HIKESHI: variants seen among roughly 807,000 people sequenced by gnomAD.
HIKESHI encodes protein Hikeshi.
A neutral mutation model predicts 25.7 loss-of-function variants in HIKESHI; 13 were observed. The observed-to-expected ratio is 0.51, with a 90% CI of 0.33 to 0.80. The LOEUF (loss-of-function observed/expected upper bound fraction) is 0.80. HIKESHI is among the 30% of genes least tolerant of loss of function. The pLI is 0.02. For synonymous variants in HIKESHI, 76 were observed against 78.7 expected (o/e 0.97, Z 0.18); for missense variants, 174 against 229.5 (o/e 0.76, Z 1.56).
intron 2 of HIKESHI, among the ~76,000 whole-genome samples, chr11:86,329,572 TTC>T (rs1947368173): frequency 1.4e-5 from 1 of 72,980 alleles, no homozygotes; most frequent in Non-Finnish European, 2.5e-5. Context: ...TGCCTGTGAT[TTC>T]TTTTTTTTTT....
At position 86,340,359 on chromosome 11, in the gene HIKESHI, C is replaced by T. The variant is rs185869665; in HGVS notation, c.420+2829C>T. Among the ~76,000 whole-genome samples the T allele has an allele frequency of 2.3e-3, 343 of 152,310 alleles. 2 individuals are homozygous for T. The highest frequency in any genetic ancestry group is 4.2e-3 in the Non-Finnish European group (285 of 68,028). On this transcript the variant is annotated intron_variant, in intron 3 of 4. Coordinates refer to ENST00000278483, the MANE Select transcript of HIKESHI (RefSeq NM_016401.4). ...TCCACAATGGTTGAACTAGTTTATA[C>T]GCCAACCAACAGTGTAAAAGCGTTC...
chr11:86,337,336 C>T, intron 2 of HIKESHI, 43 bp from the exon 3 acceptor site: 1 of 1,568,148 alleles, frequency 6.4e-7, no homozygotes, highest in Non-Finnish European at 8.6e-7. Flanking sequence ...TGTGTGACTA[C>T]AAGTTTAATT....
At chr11:86,322,289 C>T (rs573464147) in intron 2 of HIKESHI, among the ~76,000 whole-genome samples, 5 of 152,038 alleles carry the variant, frequency 3.3e-5, no homozygotes, top group Admixed American at 6.6e-5. Context: ...GCCCGGCCTC[C>T]GAGCATTTTT....
In HIKESHI at chr11:86,345,664, T is replaced by C. The variant is rs745463188; in HGVS notation, c.*26T>C. Reference sequence around the variant, plus strand: ...TTTGAATAAAATAATTTTTAATGGATTCTGAAATTTGTCATGTTTTGAAGA... The same window carrying C: ...TTTGAATAAAATAATTTTTAATGGACTCTGAAATTTGTCATGTTTTGAAGA... On this transcript the variant is annotated 3_prime_UTR_variant, in exon 5 of 5. Coordinates refer to ENST00000278483, the MANE Select transcript of HIKESHI (RefSeq NM_016401.4). The C allele has an allele frequency of 1.7e-5, 24 of 1,393,126 alleles. No homozygotes were observed. The highest frequency in any genetic ancestry group is 2.3e-5 in the Non-Finnish European group (23 of 1,002,238). 86.3% of individuals were successfully genotyped at this position (1,393,126 alleles called of 1,614,324 possible).
At chr11:86,339,633 A>G (rs1185944014) in intron 3 of HIKESHI, among the ~76,000 whole-genome samples, 3 of 152,222 alleles carry the variant, frequency 2.0e-5, no homozygotes, top group Non-Finnish European at 4.4e-5. Context: ...ATTCCTGTGT[A>G]TCCACAAAAT....
rs1947600918 is a variant in HIKESHI at position 86,337,513 on chromosome 11, G to A, written c.403G>A (p.Val135Ile). Residue 135 changes from valine to isoleucine, a missense_variant, in exon 3 of 5, where the codon GTT (valine) becomes ATT (isoleucine). Coordinates refer to ENST00000278483, the MANE Select transcript of HIKESHI (RefSeq NM_016401.4). ...TGTAGGTAATGCTGCTGTATCCTCAGTTGACTCATTCACTCAGGTAATGCA... is the reference window on the plus strand; with the variant it reads ...TGTAGGTAATGCTGCTGTATCCTCAATTGACTCATTCACTCAGGTAATGCA... The part of the protein sequence containing the change: ...TPVGNAAVSS[V>I]DSFTQFTQKM... The A allele has an allele frequency of 6.2e-7, 1 of 1,611,910 alleles. No individual in the cohort carries two copies. Among genetic ancestry groups the A allele is most frequent in the Non-Finnish European group, 8.5e-7 (1 of 1,179,428 alleles).
At chr11:86,304,367 A>C (rs189639244) in intron 1 of HIKESHI, among the ~76,000 whole-genome samples, 41 of 152,302 alleles carry the variant, frequency 2.7e-4, no homozygotes, top group Middle Eastern at 3.4e-3. Context: ...GAACTTGGTC[A>C]TTTTAAACAG....
At chr11:86,334,372 TTG>T (rs937941111) in intron 2 of HIKESHI, among the ~76,000 whole-genome samples, 4 of 151,930 alleles carry the variant, frequency 2.6e-5, no homozygotes, top group Admixed American at 2.6e-4. Context: ...TTCCTCTGAG[TTG>T]TGTTTTGTGT....
At chr11:86,314,294 A>G (rs540732751) in intron 2 of HIKESHI, among the ~76,000 whole-genome samples, 3 of 152,108 alleles carry the variant, frequency 2.0e-5, no homozygotes, top group African/African-American at 7.2e-5. Flanking sequence ...GGTAGCTGTT[A>G]GTGTTTTATA....
intron 3 of HIKESHI, among the ~76,000 whole-genome samples, chr11:86,337,751 G>A (rs751374621): frequency 5.9e-5 from 9 of 152,128 alleles, no homozygotes; most frequent in Admixed American, 5.2e-4. Flanking sequence ...TCCGCCTCCC[G>A]GGTTCAAGCG....
At position 86,326,796 on chromosome 11, in the gene HIKESHI, G is replaced by A. The variant is rs1290288414; in HGVS notation, c.269-10583G>A. ...GACAGTGAGGAGGAGACTTTTAAGGGTGGCATGATAGGTTCCTGTTTGGGT... is the reference window on the plus strand; with the variant it reads ...GACAGTGAGGAGGAGACTTTTAAGGATGGCATGATAGGTTCCTGTTTGGGT... On this transcript the variant is annotated intron_variant, in intron 2 of 4. Transcript: ENST00000278483. 2.1e-5 allele frequency: 6 copies of A among 279,072 alleles called. 1 individual carries two copies. The highest frequency in any genetic ancestry group is 1.7e-4 in the South Asian group (5 of 29,562). 17.3% of individuals were successfully genotyped at this position (279,072 alleles called of 1,614,324 possible).
At chr11:86,307,792 A>G (rs865900539) in intron 2 of HIKESHI, among the ~76,000 whole-genome samples, 21 of 120,878 alleles carry the variant, frequency 1.7e-4, no homozygotes, top group African/African-American at 3.4e-4. Context: ...ATTATGTGTA[A>G]TATACATTAT....
At chr11:86,339,029 C>G (rs1402406831) in intron 3 of HIKESHI, among the ~76,000 whole-genome samples, 1 of 152,048 alleles carries the variant, frequency 6.6e-6, no homozygotes, top group African/African-American at 2.4e-5. Flanking sequence ...CTACTCTGTA[C>G]CAGGCATGTC....
chr11:86,313,535 A>T (rs767713613), intron 2 of HIKESHI, among the ~76,000 whole-genome samples: 11 of 152,178 alleles, frequency 7.2e-5, no homozygotes, highest in Non-Finnish European at 5.9e-5. Flanking sequence ...AAATAAAAAG[A>T]TATATTCTCC....
chr11:86,334,158 G>A (rs186855428), intron 2 of HIKESHI, among the ~76,000 whole-genome samples: 62 of 152,088 alleles, frequency 4.1e-4, no homozygotes, highest in African/African-American at 1.4e-3. Flanking sequence ...TGGATTTGCT[G>A]TACTTAAATA....
intron 3 of HIKESHI, chr11:86,344,209 G>C (rs536226016): frequency 5.2e-5 from 8 of 155,000 alleles, no homozygotes; most frequent in Non-Finnish European, 1.1e-4. Context: ...AGTGGATGCA[G>C]ACATGGAGAT....
intron 2 of HIKESHI, among the ~76,000 whole-genome samples, chr11:86,330,645 G>A (rs1245578357): frequency 6.6e-6 from 1 of 152,182 alleles, no homozygotes; most frequent in Non-Finnish European, 1.5e-5. Flanking sequence ...GACTACCTAA[G>A]TCTCCTCAGT....
chr11:86,331,199 C>T (rs1947414095), intron 2 of HIKESHI, among the ~76,000 whole-genome samples: 1 of 151,954 alleles, frequency 6.6e-6, no homozygotes, highest in African/African-American at 2.4e-5. Context: ...TTAGAAATTA[C>T]CCAGATAGGG....
chr11:86,319,242 A>ATATATATATATATATATATATTTT (rs1383589741), intron 2 of HIKESHI, among the ~76,000 whole-genome samples: 1 of 94,944 alleles, frequency 1.1e-5, no homozygotes, highest in African/African-American at 4.6e-5. Flanking sequence ...ATATATATAT[A>ATATATATATATATATATATATTTT]TTTTTTTTTT....
Sources: gnomAD v4.1 joint callset for allele counts (sites outside exome capture counted in the v4.1 genomes callset) on GRCh38, gnomAD v4.1.1 for gene constraint, MANE v1.5 for transcripts, NCBI Gene and HGNC (gene_info 2026-07-23, HGNC 2026-07-21) for gene names.